TBL1X: variants seen among roughly 807,000 people sequenced by gnomAD.
The protein encoded by TBL1X is F-box-like/WD repeat-containing protein TBL1X.
TBL1X carries 10 observed loss-of-function variants against 50.7 expected under a neutral mutation model. That is an observed-to-expected ratio of 0.20 (90% CI 0.12 to 0.33). TBL1X has a LOEUF of 0.33. TBL1X is among the 10% of genes least tolerant of loss of function. TBL1X has a pLI of 1.00. For missense variants in TBL1X, 340 were observed against 504.4 expected, an observed-to-expected ratio of 0.67 and a Z score of 3.12; for synonymous variants, 190 against 214.7, an observed-to-expected ratio of 0.88 and a Z score of 1.01.
Position 9,569,105 on chromosome X carries a change from CTG to C in TBL1X, c.-131+67267_-131+67268del, listed in dbSNP as rs201497170. Among the ~76,000 whole-genome samples, 330 of 94,275 alleles carry C rather than the reference CTG, an allele frequency of 3.5e-3. 2 individuals carry two copies. Among genetic ancestry groups the C allele is most frequent in the African/African-American group, 0.013 (312 of 24,428 alleles). 81.9% of individuals were successfully genotyped at this position (94,275 alleles called of 115,157 possible). ...GCTGTGTGTGTGTCTCTGCAGTGTA[CTG>C]TGTGTGTGTGGAGTGCTGTGTGCGT... On this transcript the variant is annotated intron_variant, in intron 2 of 17. Coordinates refer to ENST00000645353, the MANE Select transcript of TBL1X (RefSeq NM_005647.4).
At chrX:9,624,622 T>TG (rs1261397791) in intron 2 of TBL1X, among the ~76,000 whole-genome samples, 4 of 111,829 alleles carry the variant, frequency 3.6e-5, no homozygotes, top group African/African-American at 1.3e-4. Flanking sequence ...TTGCAGGAAA[T>TG]GGGGCATCGT....
intron 15 of TBL1X, 106 bp downstream of exon 15, chrX:9,709,866 C>T: frequency 9.8e-7 from 1 of 1,025,582 alleles, no homozygotes; most frequent in Non-Finnish European, 1.3e-6. Context: ...TCAGAGGAAG[C>T]AAAGCGGTAG....
chrX:9,562,673 T>A (rs1351118987), intron 2 of TBL1X, among the ~76,000 whole-genome samples: 1 of 111,610 alleles, frequency 9.0e-6, no homozygotes, highest in African/African-American at 3.3e-5. Flanking sequence ...TCTCCATGAA[T>A]CTTTACATAG....
At chrX:9,487,101 A>G (rs2081917292) in intron 1 of TBL1X, among the ~76,000 whole-genome samples, 1 of 111,785 alleles carries the variant, frequency 8.9e-6, no homozygotes, top group Admixed American at 9.5e-5. Context: ...GTGACTTGTA[A>G]TCATTGGCTA....
chrX:9,581,385 C>A (rs989043037), intron 2 of TBL1X, among the ~76,000 whole-genome samples: 2 of 111,771 alleles, frequency 1.8e-5, no homozygotes, highest in East Asian at 5.6e-4. Flanking sequence ...CACACCGTGC[C>A]CCCTGTGTAG....
intron 2 of TBL1X, among the ~76,000 whole-genome samples, chrX:9,599,165 A>G: frequency 9.1e-6 from 1 of 110,033 alleles, no homozygotes; most frequent in Middle Eastern, 4.6e-3. Context: ...GCTGGTCTCG[A>G]ACTCCTGACC....
At chrX:9,602,291 A>G (rs1310340665) in intron 2 of TBL1X, among the ~76,000 whole-genome samples, 2 of 111,253 alleles carry the variant, frequency 1.8e-5, no homozygotes, top group African/African-American at 6.5e-5. Context: ...ATGTAAAATG[A>G]ATGATCATGA....
intron 2 of TBL1X, among the ~76,000 whole-genome samples, chrX:9,579,873 G>A (rs2082431269): frequency 9.0e-6 from 1 of 111,341 alleles, no homozygotes; most frequent in African/African-American, 3.3e-5. Flanking sequence ...AGGAACAAAG[G>A]AAGAGGCAAC....
chrX:9,698,630 C>T (rs2083148464), intron 12 of TBL1X, among the ~76,000 whole-genome samples: 1 of 111,445 alleles, frequency 9.0e-6, no homozygotes, highest in Admixed American at 9.6e-5. Context: ...AAACTGCAGA[C>T]CCCCAGAAGG....
upstream of TBL1X, among the ~76,000 whole-genome samples, chrX:9,463,842 C>T (rs772329583): frequency 2.7e-5 from 3 of 112,039 alleles, no homozygotes; most frequent in Non-Finnish European, 5.6e-5. Flanking sequence ...TGCAATGAGC[C>T]GACAGCGCGC....
At chrX:9,585,805 G>A (rs1601776072) in intron 2 of TBL1X, among the ~76,000 whole-genome samples, 4 of 111,540 alleles carry the variant, frequency 3.6e-5, no homozygotes, top group Middle Eastern at 9.1e-3. Flanking sequence ...CATGTACGGC[G>A]ACCTTATGTC....
intron 2 of TBL1X, among the ~76,000 whole-genome samples, 165 bp downstream of exon 2, chrX:9,502,014 A>T (rs2082003992): frequency 8.9e-6 from 1 of 112,321 alleles, no homozygotes; most frequent in Non-Finnish European, 1.9e-5. Flanking sequence ...TATGGTAGCC[A>T]TGCGCCACAT....
intron 11 of TBL1X, among the ~76,000 whole-genome samples, chrX:9,694,142 C>T (rs926448448): frequency 2.8e-5 from 3 of 107,876 alleles, no homozygotes; most frequent in Non-Finnish European, 3.8e-5. Context: ...GAGTCATGAG[C>T]GGAGACAGCC....
intron 2 of TBL1X, among the ~76,000 whole-genome samples, chrX:9,578,177 C>T (rs985418443): frequency 8.0e-5 from 9 of 111,818 alleles, no homozygotes; most frequent in Admixed American, 1.9e-4. Context: ...TGTTAGAAAG[C>T]GTTTAGAAAG....
chrX:9,528,852 C>T (rs1333307670), intron 2 of TBL1X, among the ~76,000 whole-genome samples: 1 of 109,927 alleles, frequency 9.1e-6, no homozygotes, highest in Admixed American at 9.6e-5. Context: ...TAAAGGTCCA[C>T]ATTGCCCATT....
chrX:9,653,935 C>A (rs1406665952), intron 4 of TBL1X, among the ~76,000 whole-genome samples: 1 of 111,833 alleles, frequency 8.9e-6, no homozygotes, highest in Non-Finnish European at 1.9e-5. Context: ...TCTGTTGCCC[C>A]TGCTTCTGGC....
intron 12 of TBL1X, among the ~76,000 whole-genome samples, chrX:9,702,441 CAA>C (rs368394481): frequency 3.5e-4 from 16 of 45,178 alleles, no homozygotes; most frequent in Non-Finnish European, 4.3e-4. Flanking sequence ...GATCCTGTCT[CAA>C]AAAAAAAAAA....
intron 2 of TBL1X, among the ~76,000 whole-genome samples, chrX:9,596,907 T>C (rs1156892257): frequency 9.0e-6 from 1 of 111,029 alleles, no homozygotes; most frequent in Admixed American, 9.6e-5. Flanking sequence ...TTAATATTAT[T>C]CTAGATGCCG....
intron 2 of TBL1X, among the ~76,000 whole-genome samples, chrX:9,517,286 T>C (rs1310568469): frequency 9.0e-6 from 1 of 111,186 alleles, no homozygotes; most frequent in East Asian, 2.8e-4. Context: ...CTCTGCTCTT[T>C]GAACTGTGGA....
Sources: allele counts gnomAD v4.1 joint callset (sites outside exome capture counted in the v4.1 genomes callset), GRCh38; gene constraint gnomAD v4.1.1; transcripts MANE v1.5; gene names NCBI Gene and HGNC (gene_info 2026-07-23, HGNC 2026-07-21).